Variants in DLG2 observed in about 807,000 individuals in gnomAD.
The protein encoded by DLG2 is discs large MAGUK scaffold protein 2, also known as disks large homolog 2.
Under a neutral mutation model 132.5 loss-of-function variants are expected in DLG2, and 45 were observed. The ratio of observed to expected loss-of-function variants is 0.34; its 90% CI spans 0.27 to 0.44. The LOEUF is 0.44. DLG2 is among the 20% of genes least tolerant of loss of function. The pLI is 1.00. For synonymous variants in DLG2, 424 were observed against 419.6 expected, an observed-to-expected ratio of 1.01 and a Z score of -0.13; for missense variants, 1,045 against 1,196.9, an observed-to-expected ratio of 0.87 and a Z score of 1.87.
At chr11:84,843,132 G>A (rs1240703395) in intron 6 of DLG2, among the ~76,000 whole-genome samples, 1 of 151,918 alleles carries the variant, frequency 6.6e-6, no homozygotes, top group Non-Finnish European at 1.5e-5. Flanking sequence ...ATCTTTAAAA[G>A]AGGGATAGCA....
chr11:83,552,525 G>T (rs1190735048), intron 19 of DLG2, among the ~76,000 whole-genome samples: 1 of 152,158 alleles, frequency 6.6e-6, no homozygotes, highest in Non-Finnish European at 1.5e-5. Context: ...TGAATGGGGA[G>T]ATGATTCATC....
intron 18 of DLG2, among the ~76,000 whole-genome samples, chr11:83,756,257 C>G (rs997990246): frequency 6.6e-6 from 1 of 151,112 alleles, no homozygotes; most frequent in African/African-American, 2.5e-5. Flanking sequence ...CCACCTGGGC[C>G]ACAGGTTTAA....
At chr11:84,883,083 G>T (rs376895927) in intron 6 of DLG2, among the ~76,000 whole-genome samples, 1 of 152,070 alleles carries the variant, frequency 6.6e-6, no homozygotes, top group Non-Finnish European at 1.5e-5. Flanking sequence ...TGATAGACTG[G>T]ATAAATAAAA....
At position 85,194,508 on chromosome 11, in the gene DLG2, A is replaced by G. The variant is rs996787567; in HGVS notation, c.187-39857T>C. ...GCTGTTTTTCAGTTTAAATGCTGCAATATGAATATAAAGATACAAAGGGCC... is the reference window on the plus strand; with the variant it reads ...GCTGTTTTTCAGTTTAAATGCTGCAGTATGAATATAAAGATACAAAGGGCC... On this transcript the variant is annotated intron_variant, in intron 4 of 27. Coordinates refer to ENST00000376104, the MANE Select transcript of DLG2 (RefSeq NM_001142699.3). Among the ~76,000 whole-genome samples, 3 of 152,136 alleles carry G rather than the reference A, an allele frequency of 2.0e-5. No individual in the cohort carries two copies. The East Asian group carries it at 5.8e-4, about 29-fold the overall frequency.
chr11:85,296,740 G>C (rs1371525370), intron 3 of DLG2, among the ~76,000 whole-genome samples: 1 of 151,306 alleles, frequency 6.6e-6, no homozygotes, highest in Non-Finnish European at 1.5e-5. Context: ...GTAAGTGACA[G>C]CTGATGGCTA....
At chr11:85,320,932 TG>T (rs2081020855) in intron 3 of DLG2, among the ~76,000 whole-genome samples, 2 of 151,656 alleles carry the variant, frequency 1.3e-5, no homozygotes, top group Admixed American at 1.3e-4. Context: ...GGAAAATCAA[TG>T]GAAGTTTTCG....
At chr11:84,436,172 C>A (rs2099000175) in intron 7 of DLG2, among the ~76,000 whole-genome samples, 1 of 152,044 alleles carries the variant, frequency 6.6e-6, no homozygotes, top group Admixed American at 6.5e-5. Flanking sequence ...AATTCCAGCC[C>A]AATCCTCCCC....
chr11:85,496,596 A>G (rs1432676648), intron 3 of DLG2, among the ~76,000 whole-genome samples: 1 of 152,158 alleles, frequency 6.6e-6, no homozygotes, highest in Admixed American at 6.5e-5. Context: ...ATGAGCTCCA[A>G]TAACAGACAG....
At chr11:83,753,826 T>TATATATATGATATATATCATATATATC (rs2093479796) in intron 18 of DLG2, among the ~76,000 whole-genome samples, 1 of 86,320 alleles carries the variant, frequency 1.2e-5, no homozygotes, top group Non-Finnish European at 2.1e-5. Flanking sequence ...ATATATTTCA[T>TATATATATGATATATATCATATATATC]ATATATATGA....
chr11:85,111,593 C>T, intron 6 of DLG2, 68 bp downstream of exon 6: 1 of 1,339,160 alleles, frequency 7.5e-7, no homozygotes, highest in Non-Finnish European at 1.0e-6. Flanking sequence ...GCTCATTCCA[C>T]TAAGATTATT....
chr11:84,689,459 AG>A lies in DLG2; in HGVS notation c.358-154729del, dbSNP rs758520480. 1.7e-4 allele frequency among the ~76,000 whole-genome samples: 26 copies of A among 152,098 alleles called. 1 individual carries two copies. Among genetic ancestry groups the A allele is most frequent in the Admixed American group, 7.2e-4 (11 of 15,260 alleles). ...AATAGAATATTTAACTTTAGCAGCTAGTGAGCCAGGGATAATGAGGTGATGA... is the reference window on the plus strand; with the variant it reads ...AATAGAATATTTAACTTTAGCAGCTATGAGCCAGGGATAATGAGGTGATGA... On this transcript the variant is annotated intron_variant, in intron 6 of 27. Transcript: ENST00000376104.
At chr11:84,729,650 C>G (rs150918739) in intron 6 of DLG2, among the ~76,000 whole-genome samples, 2 of 152,006 alleles carry the variant, frequency 1.3e-5, no homozygotes, top group African/African-American at 4.8e-5. Context: ...GCGAGTCACA[C>G]GTAGTGACTG....
chr11:84,206,066 A>G (rs571120674), intron 8 of DLG2, among the ~76,000 whole-genome samples: 1 of 152,076 alleles, frequency 6.6e-6, no homozygotes, highest in Non-Finnish European at 1.5e-5. Flanking sequence ...TATGCTAGTA[A>G]ACTCTGCAGC....
chr11:85,382,857 G>A (rs952790614), intron 3 of DLG2, among the ~76,000 whole-genome samples: 1 of 152,098 alleles, frequency 6.6e-6, no homozygotes, highest in South Asian at 2.1e-4. Context: ...CTTAAGATAT[G>A]GAGAAGTTGT....
intron 4 of DLG2, among the ~76,000 whole-genome samples, chr11:85,234,707 G>T (rs2075487715): frequency 6.6e-6 from 1 of 152,062 alleles, no homozygotes; most frequent in Admixed American, 6.6e-5. Flanking sequence ...AACACCTTGG[G>T]TTAAGACATT....
intron 7 of DLG2, among the ~76,000 whole-genome samples, chr11:84,385,828 T>C (rs1196215783): frequency 6.6e-6 from 1 of 152,130 alleles, no homozygotes; most frequent in African/African-American, 2.4e-5. Flanking sequence ...TAAAGAGACC[T>C]GTATGCACGC....
At chr11:83,700,599 A>G (rs1251076168) in intron 18 of DLG2, among the ~76,000 whole-genome samples, 1 of 152,256 alleles carries the variant, frequency 6.6e-6, no homozygotes, top group African/African-American at 2.4e-5. Flanking sequence ...AGAATGTCTT[A>G]GAACAAAATG....
At position 85,005,657 on chromosome 11, in the gene DLG2, A is replaced by T. The variant is rs527370640; in HGVS notation, c.357+106004T>A. Reference sequence around the variant, plus strand: ...GGTGACGGGGTTTTCTAAATATATAATCATGTCATCTGCAAACAGAGACAA... The same window carrying T: ...GGTGACGGGGTTTTCTAAATATATATTCATGTCATCTGCAAACAGAGACAA... On this transcript the variant is annotated intron_variant, in intron 6 of 27. Transcript: ENST00000376104. Among the ~76,000 whole-genome samples, 34 of 152,260 alleles carry T rather than the reference A, an allele frequency of 2.2e-4. 3 individuals are homozygous for T. The highest frequency in any genetic ancestry group is 8.2e-4 in the African/African-American group (34 of 41,544).
chr11:84,382,590 A>G (rs1388687169), intron 7 of DLG2, among the ~76,000 whole-genome samples: 3 of 152,170 alleles, frequency 2.0e-5, no homozygotes, highest in Non-Finnish European at 2.9e-5. Context: ...GCCAGGCTGT[A>G]GATGAGAGTA....
Sources: allele counts gnomAD v4.1 joint callset (sites outside exome capture counted in the v4.1 genomes callset), GRCh38; gene constraint gnomAD v4.1.1; transcripts MANE v1.5; gene names NCBI Gene and HGNC (gene_info 2026-07-23, HGNC 2026-07-21).